The following TEX9 variants were observed in gnomAD, a reference collection of about 807,000 sequenced individuals.
The protein encoded by TEX9 is testis-expressed protein 9.
A neutral mutation model predicts 59.6 loss-of-function variants in TEX9; 74 were observed. The observed-to-expected ratio is 1.24, with a 90% CI of 1.03 to 1.51. The LOEUF (loss-of-function observed/expected upper bound fraction) is 1.51, where lower values mean the gene tolerates loss of function less well. Among genes scored for constraint, TEX9 ranks in the 40% most tolerant of loss-of-function variants. The probability of loss-of-function intolerance (pLI) is 0.00; values close to 1 mark genes in which losing one functional copy is unlikely to be tolerated. For synonymous variants in TEX9, 186 were observed against 152.2 expected (o/e 1.22, Z -1.64); for missense variants, 522 against 447.8 (o/e 1.17, Z -1.49).
At chr15:56,389,484 G>A in intron 6 of TEX9, 84 bp downstream of exon 6, 1 of 1,025,574 alleles carries the variant, frequency 9.8e-7, no homozygotes, top group Non-Finnish European at 1.4e-6. Flanking sequence ...AGCTCTGTTT[G>A]TTTTTCCAGA....
At chr15:56,426,762 A>G (rs1451770515) in intron 10 of TEX9, among the ~76,000 whole-genome samples, 7 of 151,070 alleles carry the variant, frequency 4.6e-5, no homozygotes, top group Non-Finnish European at 1.0e-4. Context: ...TTTTGTATGA[A>G]TGACTTCCTT....
intron 12 of TEX9, chr15:56,428,897 T>TTTGAAA (rs1237536446): frequency 1.8e-5 from 9 of 506,352 alleles, no homozygotes; most frequent in Non-Finnish European, 2.8e-5. Context: ...GAAATCGGAT[T>TTTGAAA]TTGAAATTAT....
Position 56,394,263 on chromosome 15 carries a change from C to T in TEX9, c.654+16C>T, listed in dbSNP as rs779141463. ...CAATAAAAAGGTAAGTTTTAAAAAC[C>T]TCTTAAAAGGCTCTAATATTCAAAG... On this transcript the variant is annotated intron_variant, in intron 8 of 12. Transcript: ENST00000352903. 14 of 1,575,818 alleles carry T rather than the reference C, an allele frequency of 8.9e-6. No homozygotes were observed. Among genetic ancestry groups the T allele is most frequent in the Non-Finnish European group, 1.2e-5 (14 of 1,159,680 alleles).
At chr15:56,354,002 G>C in intron 1 of TEX9, among the ~76,000 whole-genome samples, 1 of 152,094 alleles carries the variant, frequency 6.6e-6, no homozygotes. Flanking sequence ...CATTTTGCTT[G>C]TAGTGTTCTA....
intron 6 of TEX9, among the ~76,000 whole-genome samples, chr15:56,390,241 G>A (rs2048144823): frequency 6.6e-6 from 1 of 151,886 alleles, no homozygotes; most frequent in Admixed American, 6.6e-5. Flanking sequence ...TTTAAAAAAA[G>A]TTGATTTTTC....
chr15:56,313,451 T>C (rs2045674189), intron 1 of TEX9, among the ~76,000 whole-genome samples: 1 of 145,678 alleles, frequency 6.9e-6, no homozygotes, highest in Non-Finnish European at 1.5e-5. Flanking sequence ...TGGATTACAT[T>C]TATTGATTTG....
chr15:56,348,868 A>G (rs759043418), intron 1 of TEX9, among the ~76,000 whole-genome samples: 1 of 152,156 alleles, frequency 6.6e-6, no homozygotes, highest in Non-Finnish European at 1.5e-5. Context: ...CTCATATGTT[A>G]CATACATTAG....
intron 1 of TEX9, among the ~76,000 whole-genome samples, chr15:56,245,653 T>A (rs1235271296): frequency 6.6e-6 from 1 of 152,218 alleles, no homozygotes; most frequent in Non-Finnish European, 1.5e-5. Flanking sequence ...TTTCCATACA[T>A]TATCATAGTT....
chr15:56,358,380 AG>A (rs1223845147), intron 1 of TEX9, among the ~76,000 whole-genome samples: 1 of 151,728 alleles, frequency 6.6e-6, no homozygotes, highest in Non-Finnish European at 1.5e-5. Flanking sequence ...GTGCAGTGGA[AG>A]GGTGTCCCAG....
At chr15:56,263,811 CA>C (rs1386641615) in intron 1 of TEX9, among the ~76,000 whole-genome samples, 1 of 152,124 alleles carries the variant, frequency 6.6e-6, no homozygotes, top group Admixed American at 6.5e-5. Context: ...TAATATGAAG[CA>C]TTTTGTGTTT....
intron 3 of TEX9, among the ~76,000 whole-genome samples, chr15:56,373,756 C>G (rs1340691697): frequency 6.6e-6 from 1 of 152,070 alleles, no homozygotes; most frequent in Non-Finnish European, 1.5e-5. Context: ...CATCTAAATT[C>G]TCATTATAAA....
At chr15:56,426,623 A>ATG (rs2050281112) in intron 10 of TEX9, among the ~76,000 whole-genome samples, 1 of 74,140 alleles carries the variant, frequency 1.3e-5, no homozygotes, top group African/African-American at 3.3e-5. Context: ...ATATATATAT[A>ATG]TATACACACA....
At chr15:56,310,073 T>C (rs1364253502) in intron 1 of TEX9, among the ~76,000 whole-genome samples, 6 of 152,192 alleles carry the variant, frequency 3.9e-5, no homozygotes, top group African/African-American at 9.6e-5. Context: ...TTGAGTTTTC[T>C]TAGGCAGGCA....
chr15:56,259,594 T>G lies in TEX9; in HGVS notation c.-107+15316T>G, dbSNP rs79781123. Among the ~76,000 whole-genome samples, 596 of 152,224 alleles carry G rather than the reference T, an allele frequency of 3.9e-3. 4 individuals carry two copies. Among genetic ancestry groups the G allele is most frequent in the African/African-American group, 0.014 (565 of 41,562 alleles). On this transcript the variant is annotated intron_variant, in intron 1 of 5. Coordinates refer to the TEX9 transcript ENST00000560827. The stretch of plus-strand genomic sequence containing the variant: ...TATTTCTAGATGCTCCCTTTTGGTA[T>G]ACGTATCTATTATTATACTAATACC...
At chr15:56,407,851 C>T (rs776949809) in intron 9 of TEX9, among the ~76,000 whole-genome samples, 1 of 152,124 alleles carries the variant, frequency 6.6e-6, no homozygotes, top group Non-Finnish European at 1.5e-5. Context: ...TTTACAACCT[C>T]GCTGCCTCTA....
At chr15:56,421,069 A>T (rs1483051246) in intron 10 of TEX9, among the ~76,000 whole-genome samples, 1 of 151,828 alleles carries the variant, frequency 6.6e-6, no homozygotes, top group African/African-American at 2.4e-5. Flanking sequence ...ATTGCTTGAT[A>T]GTGTTGTTCA....
At chr15:56,322,445 T>C (rs2045923428) in intron 1 of TEX9, among the ~76,000 whole-genome samples, 1 of 152,104 alleles carries the variant, frequency 6.6e-6, no homozygotes, top group South Asian at 2.1e-4. Flanking sequence ...TGGAAGAGTT[T>C]TAGTGTGGAA....
At chr15:56,293,598 A>G (rs2045149231) in intron 1 of TEX9, among the ~76,000 whole-genome samples, 1 of 152,146 alleles carries the variant, frequency 6.6e-6, no homozygotes, top group Admixed American at 6.6e-5. Flanking sequence ...CTACAAATGT[A>G]ATTTATGACG....
chr15:56,291,880 C>T (rs1303450783), intron 1 of TEX9, among the ~76,000 whole-genome samples: 1 of 152,110 alleles, frequency 6.6e-6, no homozygotes, highest in African/African-American at 2.4e-5. Context: ...AACAAAGGAC[C>T]CACTTCGTGG....
Sources: gnomAD v4.1 joint callset for allele counts (sites outside exome capture counted in the v4.1 genomes callset) on GRCh38, gnomAD v4.1.1 for gene constraint, MANE v1.5 for transcripts, NCBI Gene and HGNC (gene_info 2026-07-23, HGNC 2026-07-21) for gene names.